EXOC6B: variants seen among roughly 807,000 people sequenced by gnomAD.
EXOC6B encodes the protein SEC15 homolog B.
Under a neutral mutation model 113.5 loss-of-function variants are expected in EXOC6B, and 54 were observed. The ratio of observed to expected loss-of-function variants is 0.48; its 90% CI spans 0.38 to 0.60. The LOEUF (loss-of-function observed/expected upper bound fraction) is 0.60. Among genes scored for constraint, EXOC6B ranks in the 20% least tolerant of loss-of-function variants. The probability of loss-of-function intolerance (pLI) is 0.00; values close to 1 mark genes in which losing one functional copy is unlikely to be tolerated. For synonymous variants in EXOC6B, 357 were observed against 339.0 expected (o/e 1.05, Z -0.58); for missense variants, 797 against 977.5 (o/e 0.82, Z 2.46).
At chr2:72,195,558 G>T (rs1297757167) in intron 20 of EXOC6B, among the ~76,000 whole-genome samples, 1 of 152,088 alleles carries the variant, frequency 6.6e-6, no homozygotes, top group Non-Finnish European at 1.5e-5. Context: ...GTTCCTAGGT[G>T]GGTGAATTAG....
intron 6 of EXOC6B, among the ~76,000 whole-genome samples, chr2:72,660,132 C>A (rs1674899687): frequency 6.7e-6 from 1 of 150,196 alleles, no homozygotes; most frequent in African/African-American, 2.4e-5. Context: ...TATTAAAATA[C>A]AGTCTACTAA....
At chr2:72,528,225 A>G (rs1286749778) in intron 8 of EXOC6B, among the ~76,000 whole-genome samples, 1 of 152,070 alleles carries the variant, frequency 6.6e-6, no homozygotes, top group African/African-American at 2.4e-5. Flanking sequence ...TATAAAATGT[A>G]ATAATAATTT....
intron 18 of EXOC6B, among the ~76,000 whole-genome samples, chr2:72,389,594 T>A (rs911808583): frequency 3.9e-5 from 6 of 152,242 alleles, no homozygotes; most frequent in African/African-American, 1.4e-4. Flanking sequence ...ATAAATTCCC[T>A]CAGCTTTTGA....
intron 6 of EXOC6B, among the ~76,000 whole-genome samples, chr2:72,635,138 CT>C (rs1672732856): frequency 6.6e-6 from 1 of 151,956 alleles, no homozygotes; most frequent in Admixed American, 6.6e-5. Context: ...ATAATCTAAG[CT>C]TCTACCTCAA....
rs200228791 is a variant in EXOC6B at position 72,595,290 on chromosome 2, T to TAG, written c.670-19623_670-19622insCT. Reference sequence around the variant, plus strand: ...ATATATATATAGATATATAGATATATATATCTATATATATATATGACAATT... The same window carrying TAG: ...ATATATATATAGATATATAGATATATAGATATCTATATATATATATGACAATT... On this transcript the variant is annotated intron_variant, in intron 6 of 21. Transcript: ENST00000272427. 3.2e-3 allele frequency among the ~76,000 whole-genome samples: 469 copies of TAG among 146,422 alleles called. 3 individuals carry two copies. Among genetic ancestry groups the TAG allele is most frequent in the East Asian group, 0.019 (95 of 5,104 alleles).
At chr2:72,800,217 C>T (rs1293474246) in intron 1 of EXOC6B, among the ~76,000 whole-genome samples, 2 of 152,030 alleles carry the variant, frequency 1.3e-5, no homozygotes, top group Non-Finnish European at 2.9e-5. Context: ...TTTTATTGAT[C>T]ACTTATTATT....
chr2:72,730,592 ACACAC>A (rs1397321741), intron 5 of EXOC6B, among the ~76,000 whole-genome samples: 42 of 150,612 alleles, frequency 2.8e-4, no homozygotes, highest in African/African-American at 1.0e-3. Flanking sequence ...ACACACACAC[ACACAC>A]ACACACACAC....
At chr2:72,427,379 G>C (rs1247797119) in intron 18 of EXOC6B, among the ~76,000 whole-genome samples, 3 of 152,152 alleles carry the variant, frequency 2.0e-5, no homozygotes, top group Non-Finnish European at 4.4e-5. Flanking sequence ...ACCCTCAGGG[G>C]CCCAGGAAGG....
rs557960036 is a variant in EXOC6B at position 72,435,721 on chromosome 2, T to TC, written c.1980+29438_1980+29439insG. On this transcript the variant is annotated intron_variant, in intron 18 of 21. Coordinates refer to ENST00000272427, the MANE Select transcript of EXOC6B (RefSeq NM_015189.3). ...CTAGGATTGCATCCCCTGCTTTTTT[T>TC]TTGTTTTTTTTTTGCTTTCCATTTG... is the stretch of plus-strand genomic sequence containing the variant. Among the ~76,000 whole-genome samples, 598 of 145,496 alleles carry TC rather than the reference T, an allele frequency of 4.1e-3. 11 individuals are homozygous for TC. Among genetic ancestry groups the TC allele is most frequent in the African/African-American group, 0.016 (585 of 36,724 alleles).
chr2:72,697,119 G>GATATAGATATAGATATAC (rs1455439978), intron 6 of EXOC6B, among the ~76,000 whole-genome samples: 1 of 150,484 alleles, frequency 6.6e-6, no homozygotes, highest in African/African-American at 2.4e-5. Flanking sequence ...TATAGATATA[G>GATATAGATATAGATATAC]ATATAGATAT....
chr2:72,715,406 C>T (rs1679548559), intron 6 of EXOC6B, among the ~76,000 whole-genome samples: 1 of 148,916 alleles, frequency 6.7e-6, no homozygotes, highest in African/African-American at 2.5e-5. Flanking sequence ...CCAGCATCTA[C>T]TTCAGAAGTA....
At chr2:72,454,374 C>A (rs1283846920) in intron 18 of EXOC6B, among the ~76,000 whole-genome samples, 1 of 152,042 alleles carries the variant, frequency 6.6e-6, no homozygotes, top group Non-Finnish European at 1.5e-5. Context: ...AATGGCAGCA[C>A]ACGCCTGTAA....
At chr2:72,822,790 T>C (rs1319498540) in intron 1 of EXOC6B, among the ~76,000 whole-genome samples, 1 of 152,156 alleles carries the variant, frequency 6.6e-6, no homozygotes, top group Admixed American at 6.5e-5. Flanking sequence ...CTTTACAATG[T>C]TACCTCAAAA....
intron 21 of EXOC6B, among the ~76,000 whole-genome samples, chr2:72,182,078 A>G (rs1191167848): frequency 1.3e-5 from 2 of 152,162 alleles, no homozygotes; most frequent in Non-Finnish European, 1.5e-5. Context: ...GGTCAGGTAA[A>G]GGGGTCAATT....
intron 11 of EXOC6B, among the ~76,000 whole-genome samples, chr2:72,510,300 G>A (rs1216088171): frequency 6.6e-6 from 1 of 152,032 alleles, no homozygotes; most frequent in Non-Finnish European, 1.5e-5. Context: ...TAGTTTGGGA[G>A]AGCAAATGAG....
chr2:72,384,436 CT>C (rs958981528), intron 18 of EXOC6B, among the ~76,000 whole-genome samples: 18 of 151,224 alleles, frequency 1.2e-4, no homozygotes, highest in African/African-American at 4.1e-4. Context: ...AAGCTGAAAT[CT>C]TTTTTTTTAA....
chr2:72,657,567 C>CTTTTTTTTTTTTTTTTTTTTTTTTTTT (rs70963136), intron 6 of EXOC6B, among the ~76,000 whole-genome samples: 2 of 50,378 alleles, frequency 4.0e-5, no homozygotes, highest in Non-Finnish European at 3.2e-5. Context: ...CTTTCCTTTT[C>CTTTTTTTTTTTTTTTTTTTTTTTTTTT]TTTTTTTTTT....
chr2:72,619,179 CAGAGAGAG>C (rs139874004), intron 6 of EXOC6B, among the ~76,000 whole-genome samples: 7 of 145,816 alleles, frequency 4.8e-5, no homozygotes, highest in Non-Finnish European at 9.1e-5. Context: ...AATACACAGC[CAGAGAGAG>C]AGAGAGAGAG....
intron 20 of EXOC6B, among the ~76,000 whole-genome samples, chr2:72,233,953 G>C (rs1681792800): frequency 6.6e-6 from 1 of 151,854 alleles, no homozygotes; most frequent in African/African-American, 2.4e-5. Flanking sequence ...TGCTGTCCCA[G>C]GAAGCACTCG....
Sources: allele counts gnomAD v4.1 joint callset (sites outside exome capture counted in the v4.1 genomes callset), GRCh38; gene constraint gnomAD v4.1.1; transcripts MANE v1.5; gene names NCBI Gene and HGNC (gene_info 2026-07-23, HGNC 2026-07-21).